The following LTBP3 variants were observed in gnomAD, a reference collection of about 807,000 sequenced individuals.
LTBP3 encodes latent-transforming growth factor beta-binding protein 3.
In LTBP3, 97 loss-of-function variants were observed where a neutral mutation model predicts 159.7. The ratio of observed to expected loss-of-function variants is 0.61; its 90% CI spans 0.52 to 0.72. LTBP3 has a LOEUF of 0.72. LTBP3 is among the 30% of genes least tolerant of loss of function. The pLI, the probability that LTBP3 is intolerant of heterozygous loss-of-function variation, is 0.00. For missense variants in LTBP3, 1,584 were observed against 1,864.3 expected (o/e 0.85, Z 2.77); for synonymous variants, 824 against 777.1 (o/e 1.06, Z -1.00).
At position 65,557,899 on chromosome 11, in the gene LTBP3, C is replaced by T; in HGVS notation, c.61G>A (p.Ala21Thr). Reference protein sequence around the residue: ...LAPEMRGAGAAGLLALLLLLL... With the variant: ...LAPEMRGAGATGLLALLLLLL... ...AGCAGCAGCAGCGCCAGCAGCCCCGCCGCCCCCGCCCCGCGCATCTCAGGG... is the reference window on the plus strand; with the variant it reads ...AGCAGCAGCAGCGCCAGCAGCCCCGTCGCCCCCGCCCCGCGCATCTCAGGG... The change falls in exon 1 of 28, where the codon GCG becomes ACG. Residue 21 changes from alanine to threonine, a missense_variant. Coordinates refer to ENST00000301873, the MANE Select transcript of LTBP3 (RefSeq NM_001130144.3). The T allele has an allele frequency of 1.6e-6, 2 of 1,270,594 alleles. No individual in the cohort carries two copies. The highest frequency in any genetic ancestry group is 2.9e-5 in the Admixed American group (1 of 35,010). The allele number at this position is 1,270,594 out of a possible 1,614,324, so 78.7% of individuals were successfully genotyped here. A position where few individuals can be genotyped will look rare whatever the true frequency, so the allele number is the denominator to read the frequency against.
At position 65,554,605 on chromosome 11, in the gene LTBP3, G is replaced by T. The variant is rs1276044945; in HGVS notation, c.332-225C>A. Reference sequence around the variant, plus strand: ...ATCCTCGCTAAGCCATGTGCCAGCTGTGCGACCCTGAGCAACTCACGTCCC... The same window carrying T: ...ATCCTCGCTAAGCCATGTGCCAGCTTTGCGACCCTGAGCAACTCACGTCCC... On this transcript the variant is annotated intron_variant, in intron 1 of 27. Transcript: ENST00000301873. The surrounding 1 kb of genome is among the most constrained non-coding windows in gnomAD (Gnocchi z 5.3). Among the ~76,000 whole-genome samples the T allele has an allele frequency of 6.6e-6, 1 of 152,032 alleles. No homozygotes were observed. Among genetic ancestry groups the T allele is most frequent in the Non-Finnish European group, 1.5e-5 (1 of 67,982 alleles).
intron 16 of LTBP3, chr11:65,543,900 A>T: frequency 2.8e-6 from 1 of 360,704 alleles, no homozygotes; most frequent in Non-Finnish European, 5.4e-6. Context: ...TCTTCTGCTC[A>T]TGCAGTAAAG....
chr11:65,557,960 C>A lies in LTBP3; in HGVS notation c.-1G>T. ...CAGCAGCCCCTCGGGGCCCGGGCAT[C>A]CGGGGCCGCAGGACCCGGGGGAGGG... On this transcript the variant is annotated 5_prime_UTR_variant, in exon 1 of 28. Coordinates refer to ENST00000301873, the MANE Select transcript of LTBP3 (RefSeq NM_001130144.3). The A allele has an allele frequency of 1.0e-5, 12 of 1,156,972 alleles. No individual in the cohort carries two copies. Among genetic ancestry groups the A allele is most frequent in the Non-Finnish European group, 1.3e-5 (12 of 942,848 alleles). 71.7% of individuals were successfully genotyped at this position (1,156,972 alleles called of 1,614,324 possible).
chr11:65,557,705 C>CT lies in LTBP3; in HGVS notation c.254dup (p.Gln86AlafsTer108), dbSNP rs1162662639. The CT allele has an allele frequency of 6.2e-7, 1 of 1,610,144 alleles. No homozygotes were observed. Among genetic ancestry groups the CT allele is most frequent in the East Asian group, 2.2e-5 (1 of 44,876 alleles). ...CGATGAGCGTCATGTTGGAGCCCTG[C>CT]TGACAACTGTCCCGACACTGGCCCT... On this transcript the variant is annotated frameshift_variant, in exon 1 of 28. Transcript: ENST00000301873. LOFTEE classifies it high-confidence loss of function.
At chr11:65,556,675 C>A (rs111409381) in intron 1 of LTBP3, among the ~76,000 whole-genome samples, 1 of 152,240 alleles carries the variant, frequency 6.6e-6, no homozygotes, top group African/African-American at 2.4e-5. Flanking sequence ...TGCGCACAGA[C>A]ACACGCACGC....
At position 65,554,004 on chromosome 11, in the gene LTBP3, G is replaced by C; in HGVS notation, c.661+47C>G. 1.3e-6 allele frequency: 2 copies of C among 1,592,676 alleles called. No individual in the cohort carries two copies. Among genetic ancestry groups the C allele is most frequent in the South Asian group, 1.1e-5 (1 of 90,788 alleles). On this transcript the variant is annotated intron_variant, in intron 2 of 27. Transcript: ENST00000301873. This position sits in a 1 kb window ranked among gnomAD's most constrained non-coding sequence, Gnocchi z 5.3. ...AACCTGCCCTGCCCTGGCCACCCTA[G>C]TGCCCACCCACTGGCGACCTTCCCG...
intron 11 of LTBP3, among the ~76,000 whole-genome samples, chr11:65,550,706 C>G (rs892496497): frequency 6.6e-6 from 1 of 152,014 alleles, no homozygotes; most frequent in African/African-American, 2.4e-5. Flanking sequence ...TGCCTGTAAT[C>G]CCAGCTACTC....
At chr11:65,541,063 C>T in intron 20 of LTBP3, 63 bp downstream of exon 20, 1 of 1,588,950 alleles carries the variant, frequency 6.3e-7, no homozygotes, top group Non-Finnish European at 8.6e-7. Flanking sequence ...GGCGCCATTT[C>T]CCACATTTGG....
In LTBP3 at chr11:65,546,964, C is replaced by T; in HGVS notation, c.2108-44G>A. On this transcript the variant is annotated intron_variant, in intron 14 of 27. Transcript: ENST00000301873. The surrounding 1 kb of genome is among the most constrained non-coding windows in gnomAD (Gnocchi z 4.0). ...GAAGAGGACCCATCTGGGGACAACG[C>T]GGGTGGCCCGGCTCCCAGCGTCCAC... 2 of 1,604,364 alleles carry T rather than the reference C, an allele frequency of 1.2e-6. No homozygotes were observed. Among genetic ancestry groups the T allele is most frequent in the Non-Finnish European group, 1.7e-6 (2 of 1,179,112 alleles).
intron 8 of LTBP3, 26 bp from the exon 9 acceptor site, chr11:65,551,590 G>C (rs1856616091): frequency 6.2e-7 from 1 of 1,613,814 alleles, no homozygotes. Flanking sequence ...ATGGGGCCAT[G>C]AAGTGTTGGG....
rs1413421303 is a variant in LTBP3, at chr11:65,540,475, G to A, written c.3106+11C>T. 2.5e-6 allele frequency: 4 copies of A among 1,613,094 alleles called. No homozygotes were observed. In the African/African-American group the frequency reaches 4.0e-5, roughly 16 times the overall value. On this transcript the variant is annotated intron_variant, in intron 22 of 27. Transcript: ENST00000301873. ...GCCGCTTCCCCACGGCCGCCGGGGG[G>A]CGGAGCTCACCCACGCATTCCAGCA...
At position 65,543,197 on chromosome 11, in the gene LTBP3, G is replaced by C. The variant is rs2135130900; in HGVS notation, c.2504C>G (p.Ala835Gly). ...ATTGATGCAGTCACCCCCAATGCAGGCTGCAGGGAAGTCACACTCATCAAT... is the reference window on the plus strand; with the variant it reads ...ATTGATGCAGTCACCCCCAATGCAGCCTGCAGGGAAGTCACACTCATCAAT... ...EDIDECDFPAACIGGDCINTN... is the reference protein window; with the variant it reads ...EDIDECDFPAGCIGGDCINTN... Residue 835 changes from alanine to glycine, a missense_variant, in exon 18 of 28, where the codon GCC becomes GGC. Ala to Gly is a moderately conservative substitution (Grantham distance 60, BLOSUM62 0). Transcript: ENST00000301873. 2 of 1,614,132 alleles carry C rather than the reference G, an allele frequency of 1.2e-6. No individual in the cohort carries two copies. The highest frequency in any genetic ancestry group is 1.7e-6 in the Non-Finnish European group (2 of 1,180,006).
At position 65,539,020 on chromosome 11, in the gene LTBP3, G is replaced by C; in HGVS notation, c.*60C>G. ...CACAAGTCGGGGCAGAAGTGAGGCC[G>C]AGCTCGCGGAAATCCCTCAGTGATC... is the stretch of plus-strand genomic sequence containing the variant. On this transcript the variant is annotated 3_prime_UTR_variant, in exon 28 of 28. Transcript: ENST00000301873. 1 of 1,325,686 alleles carries C rather than the reference G, an allele frequency of 7.5e-7. No homozygotes were observed. Among genetic ancestry groups the C allele is most frequent in the Non-Finnish European group, 9.6e-7 (1 of 1,039,046 alleles). The allele number at this position is 1,325,686 out of a possible 1,614,324, so 82.1% of individuals were successfully genotyped here.
Position 65,538,732 on chromosome 11 carries a change from C to A in LTBP3, c.*348G>T. ...CCTTGTGCCGGGCTCAGTCTAGCCC[C>A]TGGGAGGCGGCTGGGGTCTGGCGCC... On this transcript the variant is annotated 3_prime_UTR_variant, in exon 28 of 28. Coordinates refer to ENST00000301873, the MANE Select transcript of LTBP3 (RefSeq NM_001130144.3). 9.5e-7 allele frequency: 1 copy of A among 1,052,882 alleles called. No individual in the cohort carries two copies. Among genetic ancestry groups the A allele is most frequent in the Non-Finnish European group, 1.3e-6 (1 of 752,514 alleles). 65.2% of individuals were successfully genotyped at this position (1,052,882 alleles called of 1,614,324 possible).
intron 23 of LTBP3, 40 bp from the exon 24 acceptor site, chr11:65,540,193 C>T: frequency 6.5e-7 from 1 of 1,541,478 alleles, no homozygotes; most frequent in Non-Finnish European, 8.7e-7. Context: ...CGTCACAGCT[C>T]GGCCCGGGCC....
At position 65,539,757 on chromosome 11, in the gene LTBP3, C is replaced by T; in HGVS notation, c.3510G>A (p.Trp1170Ter). The T allele has an allele frequency of 1.3e-6, 2 of 1,544,712 alleles. No homozygotes were observed. The highest frequency in any genetic ancestry group is 8.7e-7 in the Non-Finnish European group (1 of 1,152,418). The stretch of plus-strand genomic sequence containing the variant: ...GCGGGCACGGTCGGCATTGGGCGCC[C>T]CAGCCGCGGCCCTGGCGGCAGCAGC... ...DDCCCRQGRG[W>*]GAQCRPCPPR... Residue 1170 changes from tryptophan (W) to a stop codon, truncating the protein, a stop_gained, in exon 25 of 28, where the codon TGG becomes TGA. Transcript: ENST00000301873. LOFTEE classifies it high-confidence loss of function.
Position 65,539,172 on chromosome 11 carries a change from C to A in LTBP3, c.3820G>T (p.Val1274Leu). The A allele has an allele frequency of 6.6e-7, 1 of 1,509,300 alleles. No individual in the cohort carries two copies. Among genetic ancestry groups the A allele is most frequent in the Non-Finnish European group, 8.9e-7 (1 of 1,124,402 alleles). 93.5% of individuals were successfully genotyped at this position (1,509,300 alleles called of 1,614,324 possible). Residue 1274 changes from valine to leucine, a missense_variant, in exon 28 of 28, where the codon GTG becomes TTG. Around this residue, in one of 6 missense-constraint regions of LTBP3, gnomAD observed 514 missense variants for 530.3 expected, o/e 0.97. Transcript: ENST00000301873. ...RGLLCKSERC[V>L]NTSGSFRCVC... ...CAGCGGAAGGAGCCGCTGGTGTTCACGCAGCGCTCGCTCTTGCACAGCAGC... is the reference window on the plus strand; with the variant it reads ...CAGCGGAAGGAGCCGCTGGTGTTCAAGCAGCGCTCGCTCTTGCACAGCAGC...
In LTBP3 at chr11:65,540,230, C is replaced by G. The variant is rs1485051695; in HGVS notation, c.3244+15G>C. On this transcript the variant is annotated intron_variant, in intron 23 of 27. Coordinates refer to ENST00000301873, the MANE Select transcript of LTBP3 (RefSeq NM_001130144.3). Reference sequence around the variant, plus strand: ...CGCCCCTCCCGCGTACCCCACTCCCCGGCCCGGGCCTCACCCATCTCTTCC... The same window carrying G: ...CGCCCCTCCCGCGTACCCCACTCCCGGGCCCGGGCCTCACCCATCTCTTCC... 2 of 1,548,602 alleles carry G rather than the reference C, an allele frequency of 1.3e-6. No individual in the cohort carries two copies. The highest frequency in any genetic ancestry group is 1.2e-5 in the South Asian group (1 of 84,022).
chr11:65,551,306 C>A, intron 10 of LTBP3, 82 bp from the exon 11 acceptor site: 2 of 1,541,710 alleles, frequency 1.3e-6, no homozygotes, highest in Non-Finnish European at 1.8e-6. Context: ...CGGCGCCCCA[C>A]CCCAGCTTGA....
Sources: allele counts gnomAD v4.1 joint callset (sites outside exome capture counted in the v4.1 genomes callset), GRCh38; gene constraint gnomAD v4.1.1; regional missense constraint gnomAD v4.1.1; non-coding constraint Gnocchi (gnomAD v3.1); transcripts MANE v1.5; gene names NCBI Gene and HGNC (gene_info 2026-07-23, HGNC 2026-07-21).